The following ABCA6 variants were observed in gnomAD, a reference collection of about 807,000 sequenced individuals.
ABCA6 encodes ATP binding cassette subfamily A member 6.
In ABCA6, 164 loss-of-function variants were observed where a neutral mutation model predicts 191.2. The observed-to-expected ratio is 0.86, with a 90% CI of 0.76 to 0.98. The LOEUF is 0.98. Among genes scored for constraint, ABCA6 ranks in the 50% least tolerant of loss-of-function variants. ABCA6 has a pLI of 0.00. For missense variants in ABCA6, 1,958 were observed against 1,894.1 expected, an observed-to-expected ratio of 1.03 and a Z score of -0.63; for synonymous variants, 636 against 647.7, an observed-to-expected ratio of 0.98 and a Z score of 0.27.
chr17:69,114,248 G>A (rs1241693545), intron 13 of ABCA6, among the ~76,000 whole-genome samples: 4 of 152,002 alleles, frequency 2.6e-5, no homozygotes, highest in Non-Finnish European at 4.4e-5. Context: ...AAAATGATGA[G>A]TTCATGTCCT....
At chr17:69,138,601 A>C in intron 2 of ABCA6, among the ~76,000 whole-genome samples, 1 of 151,674 alleles carries the variant, frequency 6.6e-6, no homozygotes, top group South Asian at 2.1e-4. Context: ...ACTACTTTAA[A>C]GTTCATACGG....
intron 6 of ABCA6, among the ~76,000 whole-genome samples, chr17:69,132,850 CTACA>C (rs1332326576): frequency 6.8e-6 from 1 of 146,788 alleles, no homozygotes; most frequent in Non-Finnish European, 1.5e-5. Context: ...ATCTATCTAC[CTACA>C]TACATATATA....
At chr17:69,127,071 A>G (rs184158761) in intron 8 of ABCA6, among the ~76,000 whole-genome samples, 2 of 152,328 alleles carry the variant, frequency 1.3e-5, no homozygotes, top group Admixed American at 1.3e-4. Context: ...TAGTTGATAA[A>G]TTGAGCTGGA....
rs139167218 is a variant in ABCA6 at position 69,089,626 on chromosome 17, T to C, written c.3529-84A>G. ...GCACTTAAATAATATAAAATTCACA[T>C]ATTGAATATTTTCCTCATAGATCTC... On this transcript the variant is annotated intron_variant, in intron 26 of 38. Transcript: ENST00000284425. The C allele has an allele frequency of 8.7e-6, 10 of 1,152,010 alleles. No homozygotes were observed. The East Asian group carries it at 1.7e-4, about 20-fold the overall frequency. 71.4% of individuals were successfully genotyped at this position (1,152,010 alleles called of 1,614,324 possible). A position where few individuals can be genotyped will look rare whatever the true frequency, so the allele number is the denominator to read the frequency against.
At chr17:69,129,532 A>G in intron 7 of ABCA6, 78 bp downstream of exon 7, 1 of 1,240,140 alleles carries the variant, frequency 8.1e-7, no homozygotes, top group South Asian at 1.5e-5. Context: ...GATTGCAGTA[A>G]CCTACTAGGG....
At chr17:69,082,386 C>G (rs990273427) in intron 36 of ABCA6, among the ~76,000 whole-genome samples, 2 of 151,946 alleles carry the variant, frequency 1.3e-5, no homozygotes, top group Non-Finnish European at 2.9e-5. Flanking sequence ...TGCACACACA[C>G]ATACACACAT....
At chr17:69,104,181 A>AT (rs1598463154) in intron 20 of ABCA6, 2 of 152,114 alleles carry the variant, frequency 1.3e-5, no homozygotes, top group East Asian at 3.9e-4. Context: ...TAATTGGCAG[A>AT]TTTTGAGAAA....
intron 36 of ABCA6, 53 bp downstream of exon 36, chr17:69,082,820 C>G (rs2072674073): frequency 6.2e-7 from 1 of 1,606,978 alleles, no homozygotes; most frequent in Non-Finnish European, 8.5e-7. Context: ...AAAAAGGAAA[C>G]CACTGAGTGG....
chr17:69,112,146 C>A (rs369936131), intron 16 of ABCA6, 37 bp downstream of exon 16: 80 of 1,483,136 alleles, frequency 5.4e-5, no homozygotes, highest in Non-Finnish European at 7.0e-5. Flanking sequence ...ACCAGTATTG[C>A]AAACACATAA....
At chr17:69,107,563 C>T in intron 18 of ABCA6, 133 bp downstream of exon 18, 2 of 671,350 alleles carry the variant, frequency 3.0e-6, no homozygotes, top group Non-Finnish European at 2.6e-6. Context: ...GACAGCCCAT[C>T]TCAAACAGCA....
At chr17:69,140,416 T>C (rs2074009391) in intron 2 of ABCA6, among the ~76,000 whole-genome samples, 192 bp downstream of exon 2, 1 of 152,136 alleles carries the variant, frequency 6.6e-6, no homozygotes, top group African/African-American at 2.4e-5. Context: ...TCTCTTTTTA[T>C]ATGAGGAATT....
At chr17:69,125,540 T>C (rs2033412206) in intron 8 of ABCA6, among the ~76,000 whole-genome samples, 3 of 152,072 alleles carry the variant, frequency 2.0e-5, no homozygotes, top group Non-Finnish European at 4.4e-5. Flanking sequence ...TAAAACCCTA[T>C]CAGATAAGCA....
Position 69,123,327 on chromosome 17 carries a change from C to G in ABCA6, c.1348G>C (p.Val450Leu). Reference protein sequence around the residue: ...CFQHQRTNAKVIEKEIDAEHP... With the variant: ...CFQHQRTNAKLIEKEIDAEHP... Reference sequence around the variant, plus strand: ...TCAGCATCGATTTCTTTCTCAATAACCTTAGCATTAGTCCTTTGGTGTTGG... The same window carrying G: ...TCAGCATCGATTTCTTTCTCAATAAGCTTAGCATTAGTCCTTTGGTGTTGG... The change falls in exon 10 of 39, where the codon GTT (valine) becomes CTT (leucine). Residue 450 changes from valine (V) to leucine (L), a missense_variant. Coordinates refer to ENST00000284425, the MANE Select transcript of ABCA6 (RefSeq NM_080284.3). 6.3e-7 allele frequency: 1 copy of G among 1,579,040 alleles called. No homozygotes were observed. Among genetic ancestry groups the G allele is most frequent in the Non-Finnish European group, 8.6e-7 (1 of 1,158,070 alleles).
intron 27 of ABCA6, 123 bp from the exon 28 acceptor site, chr17:69,088,381 G>A (rs1422678127): frequency 1.4e-6 from 1 of 704,100 alleles, no homozygotes; most frequent in Non-Finnish European, 2.2e-6. Context: ...CATAAGCTGG[G>A]GGAGAAATGT....
chr17:69,101,164 C>T (rs750768417), intron 21 of ABCA6, among the ~76,000 whole-genome samples: 1 of 152,148 alleles, frequency 6.6e-6, no homozygotes, highest in Non-Finnish European at 1.5e-5. Flanking sequence ...AGCACAGAGT[C>T]AGCATACAAT....
chr17:69,085,130 T>G lies in ABCA6; in HGVS notation c.4082A>C (p.Gln1361Pro), dbSNP rs2072748586. The G allele has an allele frequency of 1.9e-6, 3 of 1,612,932 alleles. No individual in the cohort carries two copies. Among genetic ancestry groups the G allele is most frequent in the Non-Finnish European group, 1.7e-6 (2 of 1,179,574 alleles). ...SVLGHLGYCP[Q>P]ENVLWPMLTL... ...CAGCATGGGCCACAGCACGTTCTCT[T>G]GAGGGCAGTACCCCAGGTGGCCCAA... The change falls in exon 32 of 39, where the codon CAA (glutamine) becomes CCA (proline). Residue 1361 changes from glutamine (Q) to proline (P), a missense_variant. Coordinates refer to ENST00000284425, the MANE Select transcript of ABCA6 (RefSeq NM_080284.3).
chr17:69,093,056 A>C (rs907359574), intron 25 of ABCA6, among the ~76,000 whole-genome samples: 2 of 152,184 alleles, frequency 1.3e-5, no homozygotes, highest in Non-Finnish European at 2.9e-5. Context: ...ATTGCCAACC[A>C]TGCTACTGTC....
At chr17:69,125,465 A>G (rs947538644) in intron 8 of ABCA6, among the ~76,000 whole-genome samples, 1 of 152,072 alleles carries the variant, frequency 6.6e-6, no homozygotes, top group African/African-American at 2.4e-5. Context: ...TTGCCACATA[A>G]TAACAGCGAC....
intron 8 of ABCA6, 76 bp from the exon 9 acceptor site, chr17:69,125,111 T>C (rs942898863): frequency 5.1e-6 from 4 of 790,352 alleles, no homozygotes; most frequent in Non-Finnish European, 7.0e-6. Flanking sequence ...AAAGTATTAA[T>C]TTATTAACTA....
Sources: allele counts gnomAD v4.1 joint callset (sites outside exome capture counted in the v4.1 genomes callset), GRCh38; gene constraint gnomAD v4.1.1; transcripts MANE v1.5; gene names NCBI Gene and HGNC (gene_info 2026-07-23, HGNC 2026-07-21).